The following ULK1 variants were observed in gnomAD, a reference collection of about 807,000 sequenced individuals.
The protein encoded by ULK1 is unc-51 like autophagy activating kinase 1, also known as serine/threonine-protein kinase ULK1.
In ULK1, 48 loss-of-function variants were observed where a neutral mutation model predicts 117.5. The ratio of observed to expected loss-of-function variants is 0.41; its 90% confidence interval spans 0.32 to 0.52. The LOEUF (loss-of-function observed/expected upper bound fraction) is 0.52. ULK1 is among the 20% of genes least tolerant of loss of function. ULK1 has a pLI of 0.29. For missense variants in ULK1, 1,387 were observed against 1,473.4 expected, an observed-to-expected ratio of 0.94 and a Z score of 0.96; for synonymous variants, 790 against 637.8, an observed-to-expected ratio of 1.24 and a Z score of -3.60.
intron 16 of ULK1, among the ~76,000 whole-genome samples, chr12:131,914,752 A>G (rs1360652192): frequency 6.6e-6 from 1 of 152,214 alleles, no homozygotes; most frequent in African/African-American, 2.4e-5. Context: ...AGGAAAGGGT[A>G]CCTTTCTTTT....
In ULK1 at chr12:131,916,493, C is replaced by T; in HGVS notation, c.1974C>T (p.Asn658=). 2 of 1,612,310 alleles carry T rather than the reference C, an allele frequency of 1.2e-6. No homozygotes were observed. Among genetic ancestry groups the T allele is most frequent in the Non-Finnish European group, 8.5e-7 (1 of 1,179,762 alleles). The change falls in exon 20 of 28, where the codon AAC becomes AAT. Residue 658 remains asparagine (N), a synonymous_variant. Transcript: ENST00000321867. The part of the protein sequence containing the change: ...RQGVVMTPPR[N]RTLPDLSEVG... ...GCGTGGTGATGACGCCCCCTCGAAA[C>T]CGGACGCTGCCCGACCTCTCGGAGG...
intron 4 of ULK1, among the ~76,000 whole-genome samples, chr12:131,907,201 G>A (rs1889310492): frequency 6.6e-6 from 1 of 152,164 alleles, no homozygotes; most frequent in Non-Finnish European, 1.5e-5. Flanking sequence ...TATACTTTTA[G>A]TAGAGATGGG....
chr12:131,906,786 C>G, intron 3 of ULK1, 106 bp from the exon 4 acceptor site: 1 of 1,425,762 alleles, frequency 7.0e-7, no homozygotes, highest in South Asian at 1.2e-5. Flanking sequence ...CCAGCTAAGT[C>G]CTGGCACTGC....
chr12:131,918,789 TGTCGGGG>T, intron 23 of ULK1, 108 bp downstream of exon 23: 1 of 494,120 alleles, frequency 2.0e-6, no homozygotes, highest in Non-Finnish European at 2.7e-6. Flanking sequence ...GGGTGTGGGG[TGTCGGGG>T]GTGTGGGGTG....
At chr12:131,908,552 C>G (rs1391845997) in intron 5 of ULK1, 92 bp from the exon 6 acceptor site, 10 of 1,385,320 alleles carry the variant, frequency 7.2e-6, no homozygotes, top group Non-Finnish European at 9.4e-6. Context: ...CTGGCGCTCT[C>G]CATCCGTGTG....
intron 8 of ULK1, 106 bp from the exon 9 acceptor site, chr12:131,909,669 C>G: frequency 8.2e-7 from 1 of 1,226,612 alleles, no homozygotes; most frequent in Non-Finnish European, 1.1e-6. Flanking sequence ...CCCCGGGCTT[C>G]GCAGCGTCTG....
intron 3 of ULK1, among the ~76,000 whole-genome samples, chr12:131,904,910 T>C (rs960732852): frequency 6.6e-6 from 1 of 152,278 alleles, no homozygotes; most frequent in Admixed American, 6.5e-5. Flanking sequence ...TGCCCGGAGC[T>C]GTCCCTGCAG....
At chr12:131,909,370 TC>T in intron 8 of ULK1, 133 bp downstream of exon 8, 1 of 1,030,688 alleles carries the variant, frequency 9.7e-7, no homozygotes, top group Non-Finnish European at 1.4e-6. Flanking sequence ...GGGGCGGGCG[TC>T]CAGGGGTCCA....
chr12:131,922,304 G>A lies in ULK1; in HGVS notation c.*943G>A, dbSNP rs1890184492. 3.0e-6 allele frequency: 1 copy of A among 334,678 alleles called. No individual in the cohort carries two copies. The allele number at this position is 334,678 out of a possible 1,614,324, so 20.7% of individuals were successfully genotyped here. On this transcript the variant is annotated 3_prime_UTR_variant, in exon 28 of 28. Transcript: ENST00000321867. ...TGAGGCTGCTTTGCACACCTGTGTTGGTGGCTGTCCCCTGCCGCCCCTCCC... is the reference window on the plus strand; with the variant it reads ...TGAGGCTGCTTTGCACACCTGTGTTAGTGGCTGTCCCCTGCCGCCCCTCCC...
At chr12:131,921,258 G>A (rs1566131787) in intron 27 of ULK1, 23 bp downstream of exon 27, 1 of 1,608,148 alleles carries the variant, frequency 6.2e-7, no homozygotes, top group Non-Finnish European at 8.5e-7. Flanking sequence ...CTGGGCTGGG[G>A]GCTGGGGACT....
chr12:131,912,717 A>G (rs1029126014), intron 13 of ULK1, among the ~76,000 whole-genome samples: 10 of 152,222 alleles, frequency 6.6e-5, no homozygotes, highest in African/African-American at 2.4e-4. Context: ...GCCCGAGCCA[A>G]GCCCCAGACA....
chr12:131,914,309 T>C, intron 15 of ULK1, 43 bp from the exon 16 acceptor site: 1 of 1,596,754 alleles, frequency 6.3e-7, no homozygotes. Flanking sequence ...CAGCCTCTTG[T>C]GACCCCAGTG....
chr12:131,903,249 C>T lies in ULK1; in HGVS notation c.247-3643C>T, dbSNP rs1393124460. On this transcript the variant is annotated intron_variant, in intron 3 of 27. Transcript: ENST00000321867. This position sits in a 1 kb window ranked among gnomAD's most constrained non-coding sequence, Gnocchi z 6.0. ...GTCCTGGGCTTGTTTGTCCTCACTT[C>T]TCATCCCTGACTCTGCCAGGGTTGG... Among the ~76,000 whole-genome samples, 1 of 152,206 alleles carries T rather than the reference C, an allele frequency of 6.6e-6. No individual in the cohort carries two copies. Among genetic ancestry groups the T allele is most frequent in the African/African-American group, 2.4e-5 (1 of 41,444 alleles).
chr12:131,907,290 G>A (rs1300952232), intron 4 of ULK1, among the ~76,000 whole-genome samples: 2 of 152,204 alleles, frequency 1.3e-5, no homozygotes, highest in Non-Finnish European at 2.9e-5. Context: ...CAAAGTGCTC[G>A]GATTACAGGC....
chr12:131,918,732 G>C, intron 23 of ULK1, 51 bp downstream of exon 23: 1 of 1,494,280 alleles, frequency 6.7e-7, no homozygotes, highest in East Asian at 2.5e-5. Flanking sequence ...GGGTGTGTGG[G>C]GTGTGTGGGG....
chr12:131,917,694 T>C (rs1056206755), intron 22 of ULK1, 140 bp downstream of exon 22: 4 of 873,722 alleles, frequency 4.6e-6, no homozygotes, highest in East Asian at 3.3e-5. Context: ...CTCAGGCCCC[T>C]GAGAAACCCC....
At chr12:131,901,142 T>A (rs1889069790) in intron 3 of ULK1, among the ~76,000 whole-genome samples, 1 of 151,688 alleles carries the variant, frequency 6.6e-6, no homozygotes, top group Admixed American at 6.6e-5. Context: ...GCAGATCACC[T>A]GAGGTCAGGA....
chr12:131,897,341 A>G (rs1207903049), intron 3 of ULK1: 1 of 152,244 alleles, frequency 6.6e-6, no homozygotes, highest in Non-Finnish European at 1.5e-5. Flanking sequence ...ATCCTCAAAC[A>G]TTACGGGAGG....
intron 3 of ULK1, 34 bp downstream of exon 3, chr12:131,895,858 G>A (rs1888844852): frequency 3.1e-6 from 5 of 1,613,314 alleles, no homozygotes; most frequent in Non-Finnish European, 4.2e-6. Context: ...GCTGGGGACC[G>A]GGCTGGGGGA....
Sources: allele counts gnomAD v4.1 joint callset (sites outside exome capture counted in the v4.1 genomes callset), GRCh38; gene constraint gnomAD v4.1.1; non-coding constraint Gnocchi (gnomAD v3.1); transcripts MANE v1.5; gene names NCBI Gene and HGNC (gene_info 2026-07-23, HGNC 2026-07-21).